Variants in ZNF140 observed in about 807,000 individuals in gnomAD.
The protein encoded by ZNF140 is zinc finger protein 140.
Under a neutral mutation model 12.9 loss-of-function variants are expected in ZNF140, and 13 were observed. The observed-to-expected ratio is 1.01, with a 90% confidence interval of 0.66 to 1.60. The LOEUF (loss-of-function observed/expected upper bound fraction) is 1.60, where lower values mean the gene tolerates loss of function less well. Ranked by LOEUF, ZNF140 falls within the 40% of genes most tolerant of loss-of-function variation. The pLI, the probability that ZNF140 is intolerant of heterozygous loss-of-function variation, is 0.00. For missense variants in ZNF140, 531 were observed against 548.8 expected (o/e 0.97, Z 0.32); for synonymous variants, 214 against 186.7 (o/e 1.15, Z -1.19).
chr12:133,102,897 G>A (rs1469254779), intron 4 of ZNF140, among the ~76,000 whole-genome samples: 1 of 152,200 alleles, frequency 6.6e-6, no homozygotes, highest in Admixed American at 6.5e-5. Flanking sequence ...GAAGGGAAGT[G>A]TGTGAAGGGC....
rs1199234306 is a variant in ZNF140 at position 133,105,877 on chromosome 12, G to C, written c.600G>C (p.Gln200His). 1 of 1,614,138 alleles carries C rather than the reference G, an allele frequency of 6.2e-7. No individual in the cohort carries two copies. The highest frequency in any genetic ancestry group is 1.3e-5 in the African/African-American group (1 of 75,036). Residue 200 changes from glutamine (Q) to histidine (H), a missense_variant, in exon 5 of 5, where the codon CAG becomes CAC. Transcript: ENST00000355557. ...ACKECGKTFS[Q>H]ISNLVKHQMI... Reference sequence around the variant, plus strand: ...AGGAATGTGGCAAAACCTTTAGCCAGATTTCAAACCTTGTGAAACACCAAA... The same window carrying C: ...AGGAATGTGGCAAAACCTTTAGCCACATTTCAAACCTTGTGAAACACCAAA...
intron 4 of ZNF140, among the ~76,000 whole-genome samples, chr12:133,092,261 G>A (rs1487194653): frequency 1.3e-5 from 2 of 150,960 alleles, no homozygotes; most frequent in African/African-American, 4.9e-5. Flanking sequence ...TACGGATGGA[G>A]AAGCCTCCCA....
Position 133,106,805 on chromosome 12 carries a change from A to G in ZNF140, c.*154A>G, listed in dbSNP as rs898714796. 15 of 603,098 alleles carry G rather than the reference A, an allele frequency of 2.5e-5. No individual in the cohort carries two copies. The highest frequency in any genetic ancestry group is 3.9e-5 in the Non-Finnish European group (15 of 387,632). 37.4% of individuals were successfully genotyped at this position (603,098 alleles called of 1,614,324 possible). On this transcript the variant is annotated 3_prime_UTR_variant, in exon 5 of 5. Transcript: ENST00000355557. ...CTTTATTCACCACCCTGGAGAAAAA[A>G]AAACCCAGGAATATGTGGAAAAGCC...
At chr12:133,098,754 GAGTGC>G (rs1476006975) in intron 4 of ZNF140, among the ~76,000 whole-genome samples, 2 of 152,148 alleles carry the variant, frequency 1.3e-5, no homozygotes, top group Non-Finnish European at 2.9e-5. Flanking sequence ...GCCCAGGCTG[GAGTGC>G]AGTGGCACGA....
Position 133,083,517 on chromosome 12 carries a change from A to G in ZNF140, c.188A>G (p.Glu63Gly). The G allele has an allele frequency of 3.1e-6, 5 of 1,614,096 alleles. No homozygotes were observed. The highest frequency in any genetic ancestry group is 4.2e-6 in the Non-Finnish European group (5 of 1,179,966). The change falls in exon 4 of 5, where the codon GAA (glutamate) becomes GGA (glycine). Residue 63 changes from glutamate to glycine, a missense_variant. By Grantham distance (98) the Glu-to-Gly change is moderately conservative. Coordinates refer to ENST00000355557, the MANE Select transcript of ZNF140 (RefSeq NM_003440.4). The stretch of plus-strand genomic sequence containing the variant: ...GTTTCCTTATTGGAGCAAGGGAAAG[A>G]ACCCTGGCTGGGGAAAAGGGAAGTG... ...DVVSLLEQGK[E>G]PWLGKREVKR...
chr12:133,096,908 G>C (rs1250769369), intron 4 of ZNF140, among the ~76,000 whole-genome samples: 6 of 152,298 alleles, frequency 3.9e-5, no homozygotes, highest in African/African-American at 1.2e-4. Flanking sequence ...TGTTCTTAAC[G>C]ATTTTCTGCC....
intron 2 of ZNF140, chr12:133,082,154 A>C (rs1479400466): frequency 1.3e-5 from 2 of 152,222 alleles, no homozygotes; most frequent in Non-Finnish European, 2.9e-5. Flanking sequence ...AGGGTCAACT[A>C]TTCAAAATGA....
At chr12:133,101,604 C>A (rs1955352193) in intron 4 of ZNF140, among the ~76,000 whole-genome samples, 1 of 152,048 alleles carries the variant, frequency 6.6e-6, no homozygotes, top group African/African-American at 2.4e-5. Context: ...GCTACCACGC[C>A]CGGCTAATTT....
rs1593815144 is a variant in ZNF140 at position 133,106,589 on chromosome 12, G to A, written c.1312G>A (p.Asp438Asn). ...TAAACATCAGAGGACACACACTCTT[G>A]ACAACCCCTATGAATATGAAAATTC... ...LAKHQRTHTL[D>N]NPYEYENSFN... Residue 438 changes from aspartate to asparagine, a missense_variant, in exon 5 of 5, where the codon GAC (aspartate) becomes AAC (asparagine). By Grantham distance (23) the Asp-to-Asn change is conservative. Coordinates refer to ENST00000355557, the MANE Select transcript of ZNF140 (RefSeq NM_003440.4). 1 of 1,613,058 alleles carries A rather than the reference G, an allele frequency of 6.2e-7. No individual in the cohort carries two copies. Among genetic ancestry groups the A allele is most frequent in the Non-Finnish European group, 8.5e-7 (1 of 1,179,760 alleles).
At chr12:133,096,017 T>A (rs912930823) in intron 4 of ZNF140, among the ~76,000 whole-genome samples, 4 of 151,056 alleles carry the variant, frequency 2.6e-5, no homozygotes, top group Admixed American at 6.6e-5. Context: ...GCTTTCCTCT[T>A]TTACCAATCC....
rs1593757477 is a variant in ZNF140, at chr12:133,090,285, C to G, written c.232+6724C>G. 2.6e-5 allele frequency among the ~76,000 whole-genome samples: 4 copies of G among 152,090 alleles called. No homozygotes were observed. In the South Asian group the frequency reaches 6.2e-4, roughly 24 times the overall value. The stretch of plus-strand genomic sequence containing the variant: ...TTCCAAGTAGCTATAAGTACCGACA[C>G]ATGCCAACACTCCTGACTAAATATT... On this transcript the variant is annotated intron_variant, in intron 4 of 4. Coordinates refer to ENST00000355557, the MANE Select transcript of ZNF140 (RefSeq NM_003440.4).
At position 133,106,783 on chromosome 12, in the gene ZNF140, T is replaced by C. The variant is rs927306325; in HGVS notation, c.*132T>C. On this transcript the variant is annotated 3_prime_UTR_variant, in exon 5 of 5. Coordinates refer to ENST00000355557, the MANE Select transcript of ZNF140 (RefSeq NM_003440.4). ...CTGTGAAGTAATATGGCCCACACTT[T>C]ATTCACCACCCTGGAGAAAAAAAAA... is the stretch of plus-strand genomic sequence containing the variant. The C allele has an allele frequency of 1.3e-6, 1 of 758,642 alleles. No homozygotes were observed. The highest frequency in any genetic ancestry group is 1.8e-5 in the African/African-American group (1 of 55,726). The allele number at this position is 758,642 out of a possible 1,614,324, so 47.0% of individuals were successfully genotyped here. A position where few individuals can be genotyped will look rare whatever the true frequency, so the allele number is the denominator to read the frequency against.
intron 4 of ZNF140, among the ~76,000 whole-genome samples, chr12:133,086,899 CCTCA>C (rs1448927054): frequency 6.6e-6 from 1 of 152,198 alleles, no homozygotes; most frequent in Non-Finnish European, 1.5e-5. Context: ...CAACCATTTT[CCTCA>C]CTGTTTTGAA....
In ZNF140 at chr12:133,106,671, A is replaced by C; in HGVS notation, c.*20A>C. 1 of 1,535,348 alleles carries C rather than the reference A, an allele frequency of 6.5e-7. No individual in the cohort carries two copies. Among genetic ancestry groups the C allele is most frequent in the Non-Finnish European group, 8.7e-7 (1 of 1,149,286 alleles). On this transcript the variant is annotated 3_prime_UTR_variant, in exon 5 of 5. Transcript: ENST00000355557. ...CAGTGAATTTACACTGCAAAGAAAAACTATGAATGTATGGAATTTTTTAAA... is the reference window on the plus strand; with the variant it reads ...CAGTGAATTTACACTGCAAAGAAAACCTATGAATGTATGGAATTTTTTAAA...
Position 133,093,457 on chromosome 12 carries a change from A to G in ZNF140, c.232+9896A>G, listed in dbSNP as rs1020947258. On this transcript the variant is annotated intron_variant, in intron 4 of 4. Coordinates refer to ENST00000355557, the MANE Select transcript of ZNF140 (RefSeq NM_003440.4). ...TGTGTCAGCTTCTTTAGCTGGGCCC[A>G]TGTCGACGGCTCCGCTTTCTTGGTA... 5.7e-6 allele frequency: 4 copies of G among 699,838 alleles called. 1 individual carries two copies. The highest frequency in any genetic ancestry group is 7.8e-6 in the Non-Finnish European group (3 of 383,876). 43.4% of individuals were successfully genotyped at this position (699,838 alleles called of 1,614,324 possible).
intron 4 of ZNF140, among the ~76,000 whole-genome samples, chr12:133,101,920 ATC>A (rs1418404747): frequency 2.0e-5 from 3 of 151,452 alleles, no homozygotes; most frequent in Non-Finnish European, 4.4e-5. Flanking sequence ...TTCCTACCGT[ATC>A]TGTCTCAGAT....
chr12:133,081,669 C>T (rs1403935860), intron 2 of ZNF140: 2 of 430,658 alleles, frequency 4.6e-6, no homozygotes, highest in Admixed American at 2.5e-5. Context: ...CAGATGTGGG[C>T]GGGGTTTCTG....
intron 4 of ZNF140, chr12:133,084,062 C>G (rs1211115579): frequency 8.2e-6 from 3 of 364,878 alleles, no homozygotes; most frequent in African/African-American, 6.6e-5. Context: ...TATTACCTAA[C>G]AGCTGACATA....
intron 4 of ZNF140, among the ~76,000 whole-genome samples, chr12:133,099,165 G>A (rs1010552169): frequency 2.0e-4 from 30 of 149,928 alleles, no homozygotes; most frequent in African/African-American, 6.6e-4. Flanking sequence ...GTGAGCCAAC[G>A]TGCCCAGCCT....
Sources: allele counts gnomAD v4.1 joint callset (sites outside exome capture counted in the v4.1 genomes callset), GRCh38; gene constraint gnomAD v4.1.1; transcripts MANE v1.5; gene names NCBI Gene and HGNC (gene_info 2026-07-23, HGNC 2026-07-21).